VLDLR: variants seen among roughly 807,000 people sequenced by gnomAD.
The protein encoded by VLDLR is very low density lipoprotein receptor, also known as very low-density lipoprotein receptor.
In VLDLR, 81 loss-of-function variants were observed where a neutral mutation model predicts 112.7. The observed-to-expected ratio is 0.72, with a 90% CI of 0.60 to 0.86. The LOEUF is 0.86. Ranked by LOEUF, VLDLR falls within the 40% of genes least tolerant of loss-of-function variation. The pLI is 0.00. For synonymous variants in VLDLR, 436 were observed against 384.8 expected (o/e 1.13, Z -1.56); for missense variants, 1,237 against 1,099.4 (o/e 1.13, Z -1.77).
chr9:2,642,360 A>G (rs941154833), intron 4 of VLDLR, among the ~76,000 whole-genome samples: 3 of 152,122 alleles, frequency 2.0e-5, no homozygotes, highest in Non-Finnish European at 2.9e-5. Flanking sequence ...CCTGAGGTCA[A>G]TACCACTGCA....
chr9:2,645,887 A>C (rs1253539604), intron 10 of VLDLR, 142 bp downstream of exon 10: 5 of 898,348 alleles, frequency 5.6e-6, no homozygotes, highest in Non-Finnish European at 8.6e-6. Flanking sequence ...TCTAATGCTA[A>C]TTCTTTATTA....
intron 1 of VLDLR, among the ~76,000 whole-genome samples, chr9:2,634,324 C>A (rs556145063): frequency 1.7e-4 from 26 of 152,292 alleles, no homozygotes; most frequent in African/African-American, 6.3e-4. Flanking sequence ...GCCACAGCTG[C>A]AAATGCTGAA....
At chr9:2,622,454 C>T (rs1816852767) in intron 1 of VLDLR, 183 bp downstream of exon 1, 2 of 523,502 alleles carry the variant, frequency 3.8e-6, no homozygotes, top group Non-Finnish European at 6.2e-6. Flanking sequence ...TAAAGGGAGC[C>T]GGGCTTGGGG....
chr9:2,647,362 C>A, intron 11 of VLDLR, 112 bp from the exon 12 acceptor site: 1 of 816,920 alleles, frequency 1.2e-6, no homozygotes, highest in South Asian at 1.4e-5. Flanking sequence ...TACTATTTGT[C>A]ACTAGAGAAT....
intron 11 of VLDLR, 38 bp from the exon 12 acceptor site, chr9:2,647,436 A>G (rs368076836): frequency 1.4e-4 from 216 of 1,576,936 alleles, no homozygotes; most frequent in Non-Finnish European, 1.8e-4. Flanking sequence ...TATTCCTTCT[A>G]AACCACTGAG....
In VLDLR at chr9:2,641,331, C is replaced by T. The variant is rs753854023; in HGVS notation, c.326-46C>T. 1.7e-4 allele frequency: 272 copies of T among 1,612,896 alleles called. 2 individuals are homozygous for T. Among genetic ancestry groups the T allele is most frequent in the Admixed American group, 9.5e-4 (57 of 59,982 alleles). On this transcript the variant is annotated intron_variant, in intron 3 of 18. Coordinates refer to ENST00000382100, the MANE Select transcript of VLDLR (RefSeq NM_003383.5). ...AGGCAGCACAGGAGCAGCAGCTTTGCATTGATCAGTTCTGAGGCTCTTTTG... is the reference window on the plus strand; with the variant it reads ...AGGCAGCACAGGAGCAGCAGCTTTGTATTGATCAGTTCTGAGGCTCTTTTG...
chr9:2,624,900 C>G (rs1472217980), intron 1 of VLDLR, among the ~76,000 whole-genome samples: 2 of 152,182 alleles, frequency 1.3e-5, no homozygotes, highest in African/African-American at 4.8e-5. Flanking sequence ...CCTGGATCAC[C>G]CTCTTGCCCA....
chr9:2,647,969 G>C (rs1322284293), intron 12 of VLDLR, among the ~76,000 whole-genome samples: 1 of 152,150 alleles, frequency 6.6e-6, no homozygotes, highest in Non-Finnish European at 1.5e-5. Flanking sequence ...AATATTTTCT[G>C]TAATGTGAGT....
At chr9:2,638,710 C>T (rs1212833733) in intron 2 of VLDLR, among the ~76,000 whole-genome samples, 2 of 152,166 alleles carry the variant, frequency 1.3e-5, no homozygotes, top group Non-Finnish European at 2.9e-5. Flanking sequence ...CTGAGACTGT[C>T]CCAGTTTGGA....
chr9:2,628,133 A>T (rs1006951477), intron 1 of VLDLR, among the ~76,000 whole-genome samples: 5 of 152,326 alleles, frequency 3.3e-5, no homozygotes, highest in African/African-American at 1.2e-4. Flanking sequence ...GTCAGGCACC[A>T]GGTCCTGAGT....
In VLDLR at chr9:2,634,371, C is replaced by A. The variant is rs147105071; in HGVS notation, c.83-1082C>A. 3.3e-3 allele frequency among the ~76,000 whole-genome samples: 510 copies of A among 152,322 alleles called. 5 individuals carry two copies. Among genetic ancestry groups the A allele is most frequent in the African/African-American group, 0.012 (487 of 41,560 alleles). ...AATCGGAAGGCCTTCTGCTGGGACA[C>A]CCTCCCTAAGTAATCTGCGTGAACT... On this transcript the variant is annotated intron_variant, in intron 1 of 18. Transcript: ENST00000382100.
Position 2,639,928 on chromosome 9 carries a change from G to A in VLDLR, c.272G>A (p.Cys91Tyr). The A allele has an allele frequency of 6.2e-7, 1 of 1,614,252 alleles. No individual in the cohort carries two copies. Residue 91 changes from cysteine (C) to tyrosine (Y), a missense_variant, in exon 3 of 19, where the codon TGT becomes TAT. Transcript: ENST00000382100. ...CAGTGTGTTCCCAGCCGATGGAAGT[G>A]TGATGGAGATCCTGACTGCGAAGAT... ...NGQCVPSRWKCDGDPDCEDGS... is the reference protein window; with the variant it reads ...NGQCVPSRWKYDGDPDCEDGS...
Position 2,658,957 on chromosome 9 carries a change from G to T in VLDLR, c.*5089G>T, listed in dbSNP as rs1045322413. ...TTAAGAAGGCTTAAAAGACTGCATG[G>T]TTTAAACCCTAGAAACATAAATGGA... On this transcript the variant is annotated 3_prime_UTR_variant, in exon 19 of 19. Transcript: ENST00000382100. 1 of 152,118 alleles carries T rather than the reference G, an allele frequency of 6.6e-6. No homozygotes were observed. The highest frequency in any genetic ancestry group is 2.1e-4 in the South Asian group (1 of 4,822). The allele number at this position is 152,118 out of a possible 1,614,324, so 9.4% of individuals were successfully genotyped here.
chr9:2,629,852 A>G (rs1817259035), intron 1 of VLDLR, among the ~76,000 whole-genome samples: 1 of 152,182 alleles, frequency 6.6e-6, no homozygotes, highest in African/African-American at 2.4e-5. Flanking sequence ...GCTGGAGTGC[A>G]ATGGCACTAT....
chr9:2,648,289 G>C lies in VLDLR; in HGVS notation c.1904G>C (p.Arg635Thr), dbSNP rs1317935795. The C allele has an allele frequency of 1.2e-6, 2 of 1,614,190 alleles. No homozygotes were observed. Among genetic ancestry groups the C allele is most frequent in the Non-Finnish European group, 1.7e-6 (2 of 1,180,020 alleles). ...SSVDLNGQDR[R>T]IVLKSLEFLA... ...GTGGACTTGAATGGCCAAGATCGTA[G>C]GATAGTACTAAAGTCTCTGGAGTTC... The change falls in exon 13 of 19, where the codon AGG becomes ACG. Residue 635 changes from arginine (R) to threonine (T), a missense_variant. Coordinates refer to ENST00000382100, the MANE Select transcript of VLDLR (RefSeq NM_003383.5).
chr9:2,633,933 C>G (rs1237099178), intron 1 of VLDLR, among the ~76,000 whole-genome samples: 1 of 152,146 alleles, frequency 6.6e-6, no homozygotes, highest in Non-Finnish European at 1.5e-5. Context: ...TGACAACAAT[C>G]TCTACCCTCC....
At chr9:2,627,829 C>T (rs1399348372) in intron 1 of VLDLR, among the ~76,000 whole-genome samples, 3 of 149,458 alleles carry the variant, frequency 2.0e-5, no homozygotes, top group Non-Finnish European at 4.4e-5. Flanking sequence ...AACGCCACTG[C>T]ACTCCAGCCT....
chr9:2,622,855 G>A (rs1361476647), intron 1 of VLDLR, among the ~76,000 whole-genome samples: 1 of 152,124 alleles, frequency 6.6e-6, no homozygotes, highest in Non-Finnish European at 1.5e-5. Flanking sequence ...CACCCGGACT[G>A]CGACTCCCCC....
At chr9:2,637,165 G>A (rs1173783745) in intron 2 of VLDLR, among the ~76,000 whole-genome samples, 3 of 152,148 alleles carry the variant, frequency 2.0e-5, no homozygotes, top group African/African-American at 4.8e-5. Context: ...TTACAATCAG[G>A]GAAGGTCTGA....
Sources: gnomAD v4.1 joint callset for allele counts (sites outside exome capture counted in the v4.1 genomes callset) on GRCh38, gnomAD v4.1.1 for gene constraint, MANE v1.5 for transcripts, NCBI Gene and HGNC (gene_info 2026-07-23, HGNC 2026-07-21) for gene names.